TMEM255A: variants seen among roughly 807,000 people sequenced by gnomAD.
TMEM255A encodes the protein transmembrane protein 255A, also known as family with sequence similarity 70, member A.
Under a neutral mutation model 23.5 loss-of-function variants are expected in TMEM255A, and 14 were observed. The ratio of observed to expected loss-of-function variants is 0.60; its 90% CI spans 0.39 to 0.93. The LOEUF is 0.93. TMEM255A is among the 40% of genes least tolerant of loss of function. TMEM255A has a pLI of 0.00. For synonymous variants in TMEM255A, 104 were observed against 100.3 expected, an observed-to-expected ratio of 1.04 and a Z score of -0.22; for missense variants, 233 against 261.7, an observed-to-expected ratio of 0.89 and a Z score of 0.76.
rs782707535 is a variant in TMEM255A, at chrX:120,309,217, G to A, written c.58+2035C>T. Among the ~76,000 whole-genome samples, 196 of 112,845 alleles carry A rather than the reference G, an allele frequency of 1.7e-3. 1 individual carries two copies. Among genetic ancestry groups the A allele is most frequent in the South Asian group, 0.015 (41 of 2,737 alleles). The stretch of plus-strand genomic sequence containing the variant: ...GAATTTGCCAGTGCCGTCGGTCTGC[G>A]GACTTCAAAAAGTGGAATGCGTGGC... On this transcript the variant is annotated intron_variant, in intron 1 of 8. Coordinates refer to ENST00000371369, the MANE Select transcript of TMEM255A (RefSeq NM_001104544.3).
chrX:120,260,779 A>G lies in TMEM255A; in HGVS notation c.*91T>C. 9.1e-7 allele frequency: 1 copy of G among 1,103,981 alleles called. No individual in the cohort carries two copies. The highest frequency in any genetic ancestry group is 3.1e-5 in the East Asian group (1 of 32,149). The allele number at this position is 1,103,981 out of a possible 1,213,427, so 91.0% of individuals were successfully genotyped here. On this transcript the variant is annotated 3_prime_UTR_variant, in exon 9 of 9. Transcript: ENST00000371369. ...GCCATTGTAAAACTTTATGCATAAGAGTCACACTTTAAATTTTGTACCCTA... is the reference window on the plus strand; with the variant it reads ...GCCATTGTAAAACTTTATGCATAAGGGTCACACTTTAAATTTTGTACCCTA...
At chrX:120,311,066 C>T (rs1046855636) in intron 1 of TMEM255A, among the ~76,000 whole-genome samples, 186 bp downstream of exon 1, 11 of 111,154 alleles carry the variant, frequency 9.9e-5, no homozygotes, top group Non-Finnish European at 2.1e-4. Context: ...CACGTCGCTC[C>T]CGCTGCAGCC....
rs1286204394 is a variant in TMEM255A, at chrX:120,291,237, G to A, written c.354+14C>T. ...TTGCCTATTTACTTTAACTCAGGAC[G>A]AAAAAATACTCACAATGTGTCTGGC... On this transcript the variant is annotated intron_variant, in intron 4 of 8. Transcript: ENST00000371369. The A allele has an allele frequency of 5.9e-6, 7 of 1,192,163 alleles. No homozygotes were observed. In the Admixed American group the frequency reaches 1.3e-4, roughly 23 times the overall value.
chrX:120,298,116 A>G (rs2058009426), intron 2 of TMEM255A, among the ~76,000 whole-genome samples: 1 of 110,949 alleles, frequency 9.0e-6, no homozygotes, highest in Non-Finnish European at 1.9e-5. Flanking sequence ...AAAAAAAAAG[A>G]CAGATGATTA....
At chrX:120,281,531 T>C (rs144975623) in intron 6 of TMEM255A, among the ~76,000 whole-genome samples, 2 of 112,559 alleles carry the variant, frequency 1.8e-5, no homozygotes, top group East Asian at 5.6e-4. Context: ...ATTCTGCATA[T>C]ACGTTTAAGT....
At chrX:120,266,027 A>G (rs1556017540) in intron 8 of TMEM255A, among the ~76,000 whole-genome samples, 2 of 105,130 alleles carry the variant, frequency 1.9e-5, no homozygotes, top group Non-Finnish European at 3.9e-5. Flanking sequence ...GGTGGCACGC[A>G]CCTGTAATCC....
intron 2 of TMEM255A, among the ~76,000 whole-genome samples, chrX:120,296,666 TA>T (rs1365369030): frequency 3.1e-5 from 2 of 64,913 alleles, no homozygotes; most frequent in Non-Finnish European, 5.2e-5. Context: ...TATTATAATA[TA>T]ATATATATTA....
Position 120,260,732 on chromosome X carries a change from CTA to C in TMEM255A, c.*136_*137del. On this transcript the variant is annotated 3_prime_UTR_variant, in exon 9 of 9. Coordinates refer to ENST00000371369, the MANE Select transcript of TMEM255A (RefSeq NM_001104544.3). ...CACTAATAATGAATAAGCTTCGTCC[CTA>C]TCTTTCCCTAGCCTGGCAGGCCATT... The C allele has an allele frequency of 2.3e-6, 2 of 876,153 alleles. No homozygotes were observed. The highest frequency in any genetic ancestry group is 3.1e-6 in the Non-Finnish European group (2 of 639,240). 72.2% of individuals were successfully genotyped at this position (876,153 alleles called of 1,213,427 possible).
chrX:120,265,835 T>C (rs112992992), intron 8 of TMEM255A, among the ~76,000 whole-genome samples: 89 of 110,836 alleles, frequency 8.0e-4, no homozygotes, highest in Non-Finnish European at 2.5e-4. Context: ...ACTCAGTGAA[T>C]AGTAGCTGTT....
At chrX:120,287,279 G>A (rs1556022031) in intron 4 of TMEM255A, 57 bp from the exon 5 acceptor site, 4 of 871,307 alleles carry the variant, frequency 4.6e-6, no homozygotes, top group African/African-American at 4.5e-5. Flanking sequence ...AAAACAGCAA[G>A]TGTTGTACTT....
chrX:120,257,918 T>C (rs1556015786), downstream of TMEM255A: 1 of 123,424 alleles, frequency 8.1e-6, no homozygotes, highest in Non-Finnish European at 1.9e-5. Context: ...CTAAATTACC[T>C]GTAAATATTC....
intron 7 of TMEM255A, among the ~76,000 whole-genome samples, chrX:120,268,970 T>TA: frequency 9.0e-6 from 1 of 111,536 alleles, no homozygotes; most frequent in Non-Finnish European, 1.9e-5. Flanking sequence ...AAAGAATTTG[T>TA]AAAAGTTGTA....
Position 120,303,197 on chromosome X carries a change from T to C in TMEM255A, c.201+1152A>G, listed in dbSNP as rs782269391. ...GGAACTGCATGCACCCTAGGGTAGA[T>C]AAAACAATCCACTGGAATACGGCTG... On this transcript the variant is annotated intron_variant, in intron 2 of 8. Coordinates refer to ENST00000371369, the MANE Select transcript of TMEM255A (RefSeq NM_001104544.3). Among the ~76,000 whole-genome samples, 234 of 111,661 alleles carry C rather than the reference T, an allele frequency of 2.1e-3. 2 individuals carry two copies. Among genetic ancestry groups the C allele is most frequent in the African/African-American group, 6.8e-3 (210 of 30,764 alleles).
chrX:120,270,957 A>G (rs782748605), intron 7 of TMEM255A, among the ~76,000 whole-genome samples: 1 of 111,318 alleles, frequency 9.0e-6, no homozygotes, highest in African/African-American at 3.3e-5. Flanking sequence ...AGAGTGATCT[A>G]GGCAATGATT....
At chrX:120,277,107 C>T in intron 6 of TMEM255A, 60 bp from the exon 7 acceptor site, 1 of 1,044,867 alleles carries the variant, frequency 9.6e-7, no homozygotes, top group South Asian at 2.2e-5. Context: ...CTCCCCAGCC[C>T]CCTCCCCAAC....
intron 6 of TMEM255A, among the ~76,000 whole-genome samples, chrX:120,278,706 C>T (rs186358350): frequency 3.8e-4 from 43 of 111,972 alleles, no homozygotes; most frequent in Non-Finnish European, 7.3e-4. Context: ...TATAAGAATG[C>T]AAAAAAGAAA....
chrX:120,263,564 G>A (rs1406811794), intron 8 of TMEM255A, among the ~76,000 whole-genome samples: 2 of 111,591 alleles, frequency 1.8e-5, no homozygotes, highest in Non-Finnish European at 3.8e-5. Flanking sequence ...GGAGCCTTGT[G>A]GGACAGTGAC....
At position 120,276,971 on chromosome X, in the gene TMEM255A, G is replaced by T; in HGVS notation, c.589C>A (p.Leu197Met). The change falls in exon 7 of 9, where the codon CTG becomes ATG. Residue 197 changes from leucine to methionine, a missense_variant. Physicochemically the swap from Leu to Met is conservative, Grantham distance 15 (BLOSUM62 2). Coordinates refer to ENST00000371369, the MANE Select transcript of TMEM255A (RefSeq NM_001104544.3). Reference sequence around the variant, plus strand: ...TTGAGGATGGTGGCAGACCAGAGCAGGTGGTAGAGGTGGATGATATCTTGG... The same window carrying T: ...TTGAGGATGGTGGCAGACCAGAGCATGTGGTAGAGGTGGATGATATCTTGG... ...SCQDIIHLYH[L>M]LWSATILNIV... 1 of 1,210,485 alleles carries T rather than the reference G, an allele frequency of 8.3e-7. No individual in the cohort carries two copies. Among genetic ancestry groups the T allele is most frequent in the Non-Finnish European group, 1.1e-6 (1 of 894,391 alleles).
rs981486271 is a variant in TMEM255A, at chrX:120,274,896, A to C, written c.675+1989T>G. Reference sequence around the variant, plus strand: ...TACCACCTACTCCATTTGTGCATCAAGGTATCTCTGCCATCCAAGCCTGAA... The same window carrying C: ...TACCACCTACTCCATTTGTGCATCACGGTATCTCTGCCATCCAAGCCTGAA... On this transcript the variant is annotated intron_variant, in intron 7 of 8. Transcript: ENST00000371369. Among the ~76,000 whole-genome samples, 64 of 111,005 alleles carry C rather than the reference A, an allele frequency of 5.8e-4. 1 individual carries two copies. Among genetic ancestry groups the C allele is most frequent in the South Asian group, 3.9e-4 (1 of 2,590 alleles).
Sources: allele counts gnomAD v4.1 joint callset (sites outside exome capture counted in the v4.1 genomes callset), GRCh38; gene constraint gnomAD v4.1.1; transcripts MANE v1.5; gene names NCBI Gene and HGNC (gene_info 2026-07-23, HGNC 2026-07-21).